The following BLTP1 variants were observed in gnomAD, a reference collection of about 807,000 sequenced individuals.
BLTP1 encodes the protein fragile site-associated protein.
chr4:122,206,286 G>A, the BLTP1 span, among the ~76,000 whole-genome samples: 1 of 151,824 alleles, frequency 6.6e-6, no homozygotes, highest in African/African-American at 2.4e-5. Flanking sequence ...TAGTTAAGAA[G>A]TTCAGTGAAA....
chr4:122,354,671 T>C, the BLTP1 span, among the ~76,000 whole-genome samples: 142 of 146,716 alleles, frequency 9.7e-4, no homozygotes, highest in Admixed American at 2.9e-3. Flanking sequence ...TTTCTTTTCT[T>C]TTTTTTTTTT....
chr4:122,230,121 T>C, the BLTP1 span: 9 of 1,614,150 alleles, frequency 5.6e-6, no homozygotes, highest in Admixed American at 5.0e-5. Flanking sequence ...TTAGGACTTA[T>C]TACTGTTGAT....
At chr4:122,305,620 T>C in the BLTP1 span, 9 of 969,556 alleles carry the variant, frequency 9.3e-6, no homozygotes, top group Non-Finnish European at 1.1e-5. Context: ...ATTTAATACA[T>C]TGCCATTTAG....
the BLTP1 span, among the ~76,000 whole-genome samples, chr4:122,156,498 A>AGTTG: frequency 6.6e-6 from 1 of 152,242 alleles, no homozygotes; most frequent in Non-Finnish European, 1.5e-5. Context: ...GGACAACTAA[A>AGTTG]GTATCCATTG....
At chr4:122,264,530 T>C in the BLTP1 span, 1 of 983,230 alleles carries the variant, frequency 1.0e-6, no homozygotes, top group Non-Finnish European at 1.4e-6. Context: ...AGTGAGGCTA[T>C]ACCTTACCTA....
At chr4:122,318,031 C>G in the BLTP1 span, 9 of 1,110,452 alleles carry the variant, frequency 8.1e-6, no homozygotes, top group South Asian at 1.4e-4. Context: ...AGGGTTTTGG[C>G]TTGTCTGTAT....
chr4:122,260,490 T>G, the BLTP1 span, among the ~76,000 whole-genome samples: 1 of 152,220 alleles, frequency 6.6e-6, no homozygotes, highest in Non-Finnish European at 1.5e-5. Context: ...ACAAAAATGT[T>G]TTCTTATAAT....
the BLTP1 span, chr4:122,273,297 C>T: frequency 1.0e-6 from 1 of 982,804 alleles, no homozygotes; most frequent in African/African-American, 1.8e-5. Context: ...ATTATTTACT[C>T]AAAAAACTAA....
the BLTP1 span, among the ~76,000 whole-genome samples, chr4:122,322,631 C>G: frequency 6.6e-6 from 1 of 152,084 alleles, no homozygotes; most frequent in Non-Finnish European, 1.5e-5. Flanking sequence ...TGTAAAGAAG[C>G]TTTAGTGAGG....
At chr4:122,353,097 T>A in the BLTP1 span, 1 of 1,614,006 alleles carries the variant, frequency 6.2e-7, no homozygotes, top group Non-Finnish European at 8.5e-7. The surrounding 1 kb of genome is among the most constrained non-coding windows in gnomAD (Gnocchi z 4.3). Flanking sequence ...GGGCCCTTTT[T>A]CATTTAGAAG....
At chr4:122,292,914 G>A in the BLTP1 span, 1 of 243,314 alleles carries the variant, frequency 4.1e-6, no homozygotes, top group Non-Finnish European at 6.6e-6. Flanking sequence ...CTTAAAGAAG[G>A]GTTGGAAAGG....
the BLTP1 span, chr4:122,240,279 C>A: frequency 6.2e-7 from 1 of 1,614,094 alleles, no homozygotes; most frequent in Non-Finnish European, 8.5e-7. Flanking sequence ...ATTGCATCGT[C>A]CCCTTGATCT....
chr4:122,188,250 A>G, the BLTP1 span: 3 of 650,562 alleles, frequency 4.6e-6, no homozygotes, highest in Admixed American at 6.3e-5. Context: ...TATAGGATAA[A>G]TGGATATGCT....
the BLTP1 span, chr4:122,347,863 A>G: frequency 1.1e-6 from 1 of 928,304 alleles, no homozygotes; most frequent in Non-Finnish European, 1.6e-6. Flanking sequence ...AGCCCTAACT[A>G]TAGGAAAATA....
At chr4:122,229,362 G>T in the BLTP1 span, 2 of 685,988 alleles carry the variant, frequency 2.9e-6, no homozygotes, top group Non-Finnish European at 4.5e-6. Flanking sequence ...AATTTTAGGA[G>T]AAAACTTTCT....
At chr4:122,291,529 A>G in the BLTP1 span, among the ~76,000 whole-genome samples, 3 of 152,236 alleles carry the variant, frequency 2.0e-5, no homozygotes, top group African/African-American at 4.8e-5. Flanking sequence ...ATGTAGGAAG[A>G]CTAATGTTCA....
chr4:122,257,576 T>C, the BLTP1 span: 1 of 1,300,542 alleles, frequency 7.7e-7, no homozygotes, highest in Non-Finnish European at 1.1e-6. Flanking sequence ...AATTACTGTA[T>C]GTTTTTTGCT....
At chr4:122,238,221 A>G in the BLTP1 span, 3 of 1,613,990 alleles carry the variant, frequency 1.9e-6, no homozygotes, top group Non-Finnish European at 2.5e-6. Context: ...TCCTCAGAAG[A>G]GAACAGTAGT....
the BLTP1 span, chr4:122,154,425 G>A: frequency 1.0e-6 from 1 of 985,102 alleles, no homozygotes; most frequent in Non-Finnish European, 1.2e-6. Context: ...TGACTTTTGA[G>A]CTATTGATAC....
Sources: allele counts gnomAD v4.1 joint callset (sites outside exome capture counted in the v4.1 genomes callset), GRCh38; gene constraint gnomAD v4.1.1; non-coding constraint Gnocchi (gnomAD v3.1); transcripts MANE v1.5; gene names NCBI Gene and HGNC (gene_info 2026-07-23, HGNC 2026-07-21).